SPATA46: variants seen among roughly 807,000 people sequenced by gnomAD.
The protein encoded by SPATA46 is spermatogenesis associated 46.
A neutral mutation model predicts 6.2 loss-of-function variants in SPATA46; 3 were observed. The ratio of observed to expected loss-of-function variants is 0.48; its 90% CI spans 0.22 to 1.25. SPATA46 has a LOEUF of 1.25. Among genes scored for constraint, SPATA46 ranks in the 50% most tolerant of loss-of-function variants. The pLI, the probability that SPATA46 is intolerant of heterozygous loss-of-function variation, is 0.20. For missense variants in SPATA46, 308 were observed against 323.5 expected (o/e 0.95, Z 0.37); for synonymous variants, 117 against 123.3 (o/e 0.95, Z 0.34).
chr1:162,374,571 T>C lies in SPATA46; in HGVS notation c.263A>G (p.Asn88Ser). 1.2e-6 allele frequency: 2 copies of C among 1,614,006 alleles called. No homozygotes were observed. The highest frequency in any genetic ancestry group is 1.7e-6 in the Non-Finnish European group (2 of 1,179,950). The change falls in exon 3 of 3, where the codon AAC becomes AGC. Residue 88 changes from asparagine (N) to serine (S), a missense_variant. Physicochemically the swap from Asn to Ser is conservative, Grantham distance 46 (BLOSUM62 1). Transcript: ENST00000367935. ...GAACCAGGGCCGGTAGATAGTGCAGTTCCGCCTCAGCTTCTCTCCGTGCTG... is the reference window on the plus strand; with the variant it reads ...GAACCAGGGCCGGTAGATAGTGCAGCTCCGCCTCAGCTTCTCTCCGTGCTG... ...DTQHGEKLRR[N>S]CTIYRPWFSP...
At chr1:162,375,152 G>T in intron 2 of SPATA46, 138 bp downstream of exon 2, 1 of 698,690 alleles carries the variant, frequency 1.4e-6, no homozygotes. Flanking sequence ...AAAGGAAGAA[G>T]GGCCAGATAG....
At chr1:162,376,481 A>G in intron 1 of SPATA46, 1 of 415,130 alleles carries the variant, frequency 2.4e-6, no homozygotes. Flanking sequence ...AAAAAAAAAA[A>G]GTTTTCCCCT....
In SPATA46 at chr1:162,375,106, G is replaced by T. The variant is rs1339574786; in HGVS notation, c.217+184C>A. On this transcript the variant is annotated intron_variant, in intron 2 of 2. Transcript: ENST00000367935. ...CCAGTTTCAGAGACAGGAGAGGGGA[G>T]GCAAGGCGAGAGCCCCAGGCCTGTG... Among the ~76,000 whole-genome samples the T allele has an allele frequency of 2.6e-5, 4 of 152,182 alleles. No homozygotes were observed. The East Asian group carries it at 7.7e-4, about 29-fold the overall frequency.
intron 1 of SPATA46, 86 bp downstream of exon 1, chr1:162,376,602 G>T: frequency 8.0e-7 from 1 of 1,250,664 alleles, no homozygotes; most frequent in Non-Finnish European, 1.1e-6. Context: ...CTAAATCATG[G>T]TCCTGTAACA....
Position 162,376,732 on chromosome 1 carries a change from C to T in SPATA46, c.59G>A (p.Ser20Asn). 6.2e-7 allele frequency: 1 copy of T among 1,614,072 alleles called. No individual in the cohort carries two copies. Among genetic ancestry groups the T allele is most frequent in the East Asian group, 2.2e-5 (1 of 44,874 alleles). ...SGPPISSSAL[S>N]AFPDIMFSRA... is the part of the protein sequence containing the mutation. The stretch of plus-strand genomic sequence containing the variant: ...AGAGAACATAATGTCGGGAAAAGCA[C>T]TCAGGGCGGAGGAAGAGATTGGAGG... Residue 20 changes from serine to asparagine, a missense_variant, in exon 1 of 3, where the codon AGT becomes AAT. Physicochemically the swap from Ser to Asn is conservative, Grantham distance 46 (BLOSUM62 1). Coordinates refer to ENST00000367935, the MANE Select transcript of SPATA46 (RefSeq NM_182581.4).
chr1:162,376,035 C>T (rs920606717), intron 1 of SPATA46, among the ~76,000 whole-genome samples: 6 of 152,170 alleles, frequency 3.9e-5, no homozygotes, highest in African/African-American at 7.2e-5. Flanking sequence ...TAGAGATCCC[C>T]TAGGGATCTT....
In SPATA46 at chr1:162,374,007, A is replaced by G; in HGVS notation, c.*41T>C. The G allele has an allele frequency of 6.5e-7, 1 of 1,546,994 alleles. No homozygotes were observed. Among genetic ancestry groups the G allele is most frequent in the Non-Finnish European group, 8.7e-7 (1 of 1,143,726 alleles). ...ACAGCAGGCTGTGCGGGGTGACCTC[A>G]GACTGGACAGAAGGCTGTGACTAAC... On this transcript the variant is annotated 3_prime_UTR_variant, in exon 3 of 3. Transcript: ENST00000367935.
intron 1 of SPATA46, among the ~76,000 whole-genome samples, chr1:162,376,081 G>C (rs1647652055): frequency 6.6e-6 from 1 of 152,184 alleles, no homozygotes; most frequent in Non-Finnish European, 1.5e-5. Context: ...TGGATCTGGG[G>C]TGGGAACCTG....
At position 162,374,507 on chromosome 1, in the gene SPATA46, GCT is replaced by G. The variant is rs1484601999; in HGVS notation, c.325_326del (p.Ser109ProfsTer6). The G allele has an allele frequency of 6.2e-7, 1 of 1,614,224 alleles. No individual in the cohort carries two copies. Among genetic ancestry groups the G allele is most frequent in the African/African-American group, 1.3e-5 (1 of 75,062 alleles). On this transcript the variant is annotated frameshift_variant, in exon 3 of 3. Coordinates refer to ENST00000367935, the MANE Select transcript of SPATA46 (RefSeq NM_182581.4). LOFTEE classifies it low-confidence loss of function (END_TRUNC). Reference sequence around the variant, plus strand: ...CTGGGAAGTCATAGGCCTCCAGCTGGCTCTCTTTGTCTGCACACACGAAGTAG... The same window carrying G: ...CTGGGAAGTCATAGGCCTCCAGCTGGCTCTTTGTCTGCACACACGAAGTAG... ...YSYFVCADKESQLEAYDFPEV... is the reference protein window; with the variant it reads ...YSYFVCADKEXQLEAYDFPEV...
At chr1:162,375,882 G>A (rs57474824) in intron 1 of SPATA46, among the ~76,000 whole-genome samples, 4,350 of 152,046 alleles carry the variant, frequency 0.029, 217 homozygotes, top group African/African-American at 0.1. Context: ...GCTAACACTT[G>A]GACAAAAAGC....
rs752607975 is a variant in SPATA46, at chr1:162,374,143, G to C, written c.691C>G (p.Leu231Val). ...ALWSKEQKAR[L>V]GDRLSSGSCQ... is the part of the protein sequence containing the mutation. ...CTGCCGGAGGAGAGCCTGTCTCCCA[G>C]CCGGGCCTTCTGCTCCTTGCTCCAG... Residue 231 changes from leucine to valine, a missense_variant, in exon 3 of 3, where the codon CTG becomes GTG. Physicochemically the swap from Leu to Val is conservative, Grantham distance 32. Transcript: ENST00000367935. 1.5e-5 allele frequency: 25 copies of C among 1,614,140 alleles called. No homozygotes were observed. The Admixed American group carries it at 2.2e-4, about 14-fold the overall frequency.
chr1:162,374,591 G>T lies in SPATA46; in HGVS notation c.243C>A (p.His81Gln). The part of the protein sequence containing the change: ...SPDCSLGDTQ[H>Q]GEKLRRNCTI... The stretch of plus-strand genomic sequence containing the variant: ...TGCAGTTCCGCCTCAGCTTCTCTCC[G>T]TGCTGGGTATCCCCCAAGCTGCAGT... Residue 81 changes from histidine (H) to glutamine (Q), a missense_variant, in exon 3 of 3, where the codon CAC becomes CAA. By Grantham distance (24) the His-to-Gln change is conservative. Coordinates refer to ENST00000367935, the MANE Select transcript of SPATA46 (RefSeq NM_182581.4). 1.2e-6 allele frequency: 2 copies of T among 1,612,730 alleles called. No homozygotes were observed. The highest frequency in any genetic ancestry group is 8.5e-7 in the Non-Finnish European group (1 of 1,179,250).
At chr1:162,376,158 A>G (rs1402331548) in intron 1 of SPATA46, among the ~76,000 whole-genome samples, 1 of 152,160 alleles carries the variant, frequency 6.6e-6, no homozygotes, top group Non-Finnish European at 1.5e-5. Flanking sequence ...CGTATTTTGA[A>G]CAGGGAGTCC....
intron 1 of SPATA46, 61 bp from the exon 2 acceptor site, chr1:162,375,464 C>A (rs1174629961): frequency 5.9e-6 from 8 of 1,359,046 alleles, no homozygotes; most frequent in Middle Eastern, 1.8e-4. Flanking sequence ...TTCTGGGACT[C>A]CCCCAGGCAT....
In SPATA46 at chr1:162,374,550, C is replaced by A; in HGVS notation, c.284G>T (p.Trp95Leu). The A allele has an allele frequency of 4.3e-6, 7 of 1,614,176 alleles. No homozygotes were observed. Among genetic ancestry groups the A allele is most frequent in the Non-Finnish European group, 5.9e-6 (7 of 1,180,022 alleles). The change falls in exon 3 of 3, where the codon TGG becomes TTG. Residue 95 changes from tryptophan (W) to leucine (L), a missense_variant. Coordinates refer to ENST00000367935, the MANE Select transcript of SPATA46 (RefSeq NM_182581.4). The stretch of plus-strand genomic sequence containing the variant: ...CACGAAGTAGCTGTAGGGGGAGAAC[C>A]AGGGCCGGTAGATAGTGCAGTTCCG... Reference protein sequence around the residue: ...LRRNCTIYRPWFSPYSYFVCA... With the variant: ...LRRNCTIYRPLFSPYSYFVCA...
chr1:162,374,727 C>T, intron 2 of SPATA46, 111 bp from the exon 3 acceptor site: 1 of 1,099,504 alleles, frequency 9.1e-7, no homozygotes, highest in Non-Finnish European at 1.3e-6. Context: ...GTTACCTCCA[C>T]CCCACCACGA....
At chr1:162,375,426 G>A (rs769544165) in intron 1 of SPATA46, 23 bp from the exon 2 acceptor site, 1 of 1,600,934 alleles carries the variant, frequency 6.2e-7, no homozygotes, top group Admixed American at 1.7e-5. Context: ...AGAAACACTG[G>A]TGAGCTGAGC....
rs2101839359 is a variant in SPATA46, at chr1:162,373,892, T to C, written c.*156A>G. 2.5e-6 allele frequency: 2 copies of C among 785,706 alleles called. No individual in the cohort carries two copies. The highest frequency in any genetic ancestry group is 4.2e-5 in the South Asian group (2 of 47,550). 48.7% of individuals were successfully genotyped at this position (785,706 alleles called of 1,614,324 possible). A position where few individuals can be genotyped will look rare whatever the true frequency, so the allele number is the denominator to read the frequency against. ...TTTCCCAAACTTCAAGTATTGTCTTTATTTTTAAAAGAGAGAAAGGGGAGG... is the reference window on the plus strand; with the variant it reads ...TTTCCCAAACTTCAAGTATTGTCTTCATTTTTAAAAGAGAGAAAGGGGAGG... On this transcript the variant is annotated 3_prime_UTR_variant, in exon 3 of 3. Transcript: ENST00000367935.
At position 162,374,516 on chromosome 1, in the gene SPATA46, G is replaced by A; in HGVS notation, c.318C>T (p.Asp106=). The change falls in exon 3 of 3, where the codon GAC becomes GAT. Residue 106 remains aspartate (D), a synonymous_variant. Coordinates refer to ENST00000367935, the MANE Select transcript of SPATA46 (RefSeq NM_182581.4). ...FSPYSYFVCA[D]KESQLEAYDF... ...CATAGGCCTCCAGCTGGCTCTCTTT[G>A]TCTGCACACACGAAGTAGCTGTAGG... The A allele has an allele frequency of 3.7e-6, 6 of 1,614,196 alleles. No homozygotes were observed. The highest frequency in any genetic ancestry group is 5.1e-6 in the Non-Finnish European group (6 of 1,180,038).
Sources: gnomAD v4.1 joint callset for allele counts (sites outside exome capture counted in the v4.1 genomes callset) on GRCh38, gnomAD v4.1.1 for gene constraint, MANE v1.5 for transcripts, NCBI Gene and HGNC (gene_info 2026-07-23, HGNC 2026-07-21) for gene names.